Variants in TLK1 observed in about 807,000 individuals in gnomAD.
TLK1 encodes tousled like kinase 1.
TLK1 carries 24 observed loss-of-function variants against 105.3 expected under a neutral mutation model. The ratio of observed to expected loss-of-function variants is 0.23; its 90% confidence interval spans 0.17 to 0.32. The LOEUF is 0.32. TLK1 is among the 10% of genes least tolerant of loss of function. TLK1 has a pLI of 1.00. For synonymous variants in TLK1, 321 were observed against 310.4 expected, an observed-to-expected ratio of 1.03 and a Z score of -0.36; for missense variants, 558 against 910.5, an observed-to-expected ratio of 0.61 and a Z score of 4.98.
At chr2:171,192,075 C>A (rs530909000) in intron 1 of TLK1, among the ~76,000 whole-genome samples, 42 of 152,268 alleles carry the variant, frequency 2.8e-4, no homozygotes, top group Non-Finnish European at 1.0e-4. Context: ...GTTGCCTAGG[C>A]TAGAGTACAG....
chr2:171,083,799 T>C (rs1179597768), intron 2 of TLK1, among the ~76,000 whole-genome samples: 1 of 152,204 alleles, frequency 6.6e-6, no homozygotes, highest in Non-Finnish European at 1.5e-5. Context: ...TGCTGGATAC[T>C]GTAAAAGCTG....
intron 18 of TLK1, among the ~76,000 whole-genome samples, chr2:171,001,655 C>T (rs1023122086): frequency 1.3e-5 from 2 of 152,204 alleles, no homozygotes; most frequent in African/African-American, 4.8e-5. Flanking sequence ...GTGCTCACTT[C>T]TCTTCCTTAC....
intron 12 of TLK1, among the ~76,000 whole-genome samples, chr2:171,020,755 C>T (rs1312647381): frequency 2.0e-5 from 3 of 151,972 alleles, no homozygotes; most frequent in Non-Finnish European, 4.4e-5. Context: ...AAATAACCAC[C>T]TAGACAAAGC....
chr2:171,040,717 T>G (rs1046670455), intron 11 of TLK1, among the ~76,000 whole-genome samples: 1 of 151,736 alleles, frequency 6.6e-6, no homozygotes, highest in African/African-American at 2.4e-5. Context: ...GCTGGGACTA[T>G]AGGTACATAC....
intron 1 of TLK1, among the ~76,000 whole-genome samples, chr2:171,127,997 T>G (rs774350949): frequency 1.3e-5 from 2 of 152,286 alleles, no homozygotes; most frequent in East Asian, 3.9e-4. Context: ...GGTATACATG[T>G]TCAATTATAT....
At chr2:171,197,982 C>A (rs1693308364) in intron 1 of TLK1, among the ~76,000 whole-genome samples, 1 of 152,146 alleles carries the variant, frequency 6.6e-6, no homozygotes, top group Non-Finnish European at 1.5e-5. Context: ...ACAAAGTTTC[C>A]TGTGGATAGA....
chr2:171,084,349 A>C (rs1453038639), intron 2 of TLK1, among the ~76,000 whole-genome samples: 1 of 152,212 alleles, frequency 6.6e-6, no homozygotes, highest in Admixed American at 6.5e-5. Flanking sequence ...ACGGATCTTT[A>C]CATAACAGGG....
intron 2 of TLK1, among the ~76,000 whole-genome samples, chr2:171,099,979 G>A (rs1689619354): frequency 6.6e-6 from 1 of 152,242 alleles, no homozygotes; most frequent in Middle Eastern, 3.4e-3. Context: ...GACACCTACA[G>A]AATGAGACAA....
At chr2:171,176,179 A>G (rs1291649195) in intron 1 of TLK1, among the ~76,000 whole-genome samples, 1 of 152,026 alleles carries the variant, frequency 6.6e-6, no homozygotes. Flanking sequence ...ACCTCAGGTG[A>G]TCCGGCCGCC....
chr2:171,121,058 G>C (rs1690634083), intron 1 of TLK1, among the ~76,000 whole-genome samples: 1 of 152,192 alleles, frequency 6.6e-6, no homozygotes, highest in Non-Finnish European at 1.5e-5. Flanking sequence ...GTTGCCAGGG[G>C]CTGGGGGTGT....
At chr2:171,048,961 A>T (rs1240370256) in intron 10 of TLK1, among the ~76,000 whole-genome samples, 1 of 152,208 alleles carries the variant, frequency 6.6e-6, no homozygotes, top group Non-Finnish European at 1.5e-5. Context: ...CTTTTCTACC[A>T]CCATCTGAAC....
intron 3 of TLK1, among the ~76,000 whole-genome samples, chr2:171,067,260 T>C (rs1688043265): frequency 6.6e-6 from 1 of 150,940 alleles, no homozygotes; most frequent in Admixed American, 6.6e-5. Flanking sequence ...CCTGGGTTCA[T>C]GCTATTCTCC....
chr2:171,039,826 T>C (rs1420402809), intron 11 of TLK1, among the ~76,000 whole-genome samples: 1 of 152,064 alleles, frequency 6.6e-6, no homozygotes, highest in Non-Finnish European at 1.5e-5. Flanking sequence ...GAGGGCAAAA[T>C]AATTTTCAGA....
intron 12 of TLK1, among the ~76,000 whole-genome samples, chr2:171,019,883 T>A (rs1357091544): frequency 6.6e-6 from 1 of 150,744 alleles, no homozygotes; most frequent in Admixed American, 6.6e-5. Context: ...CATGGCAAAA[T>A]CCTTTATCTA....
intron 1 of TLK1, among the ~76,000 whole-genome samples, chr2:171,159,982 G>A (rs778988647): frequency 6.6e-6 from 1 of 152,104 alleles, no homozygotes; most frequent in African/African-American, 2.4e-5. Flanking sequence ...CTCGCGTCTG[G>A]GGGGAGGCTT....
intron 12 of TLK1, among the ~76,000 whole-genome samples, chr2:171,019,118 A>C (rs1038657577): frequency 7.5e-6 from 1 of 133,914 alleles, no homozygotes; most frequent in Non-Finnish European, 1.5e-5. Context: ...AGTTAAAATT[A>C]AAAAAAAAAA....
intron 10 of TLK1, among the ~76,000 whole-genome samples, chr2:171,047,203 G>C (rs1288428238): frequency 2.6e-5 from 4 of 152,148 alleles, no homozygotes; most frequent in East Asian, 3.8e-4. Flanking sequence ...TTAAAATGTA[G>C]ATTAGATATT....
At chr2:171,052,852 G>C (rs1320545693) in intron 8 of TLK1, among the ~76,000 whole-genome samples, 1 of 152,086 alleles carries the variant, frequency 6.6e-6, no homozygotes, top group Non-Finnish European at 1.5e-5. Context: ...TGGTTTTATC[G>C]AGTTTCTACA....
At chr2:171,203,075 T>A (rs973564303) in intron 1 of TLK1, among the ~76,000 whole-genome samples, 25 of 152,118 alleles carry the variant, frequency 1.6e-4, no homozygotes, top group African/African-American at 5.8e-4. Flanking sequence ...TCTTTAAAAT[T>A]AAAAAAATAA....
Sources: allele counts gnomAD v4.1 joint callset (sites outside exome capture counted in the v4.1 genomes callset), GRCh38; gene constraint gnomAD v4.1.1; transcripts MANE v1.5; gene names NCBI Gene and HGNC (gene_info 2026-07-23, HGNC 2026-07-21).